The following PAN3 variants were observed in gnomAD, a reference collection of about 807,000 sequenced individuals.
The protein encoded by PAN3 is poly(A) specific ribonuclease subunit PAN3, also known as PAN2-PAN3 deadenylation complex subunit PAN3.
A neutral mutation model predicts 96.2 loss-of-function variants in PAN3; 19 were observed. The ratio of observed to expected loss-of-function variants is 0.20; its 90% CI spans 0.14 to 0.29. The LOEUF is 0.29. Ranked by LOEUF, PAN3 falls within the 10% of genes least tolerant of loss-of-function variation. The pLI is 1.00. For missense variants in PAN3, 882 were observed against 1,108.1 expected, an observed-to-expected ratio of 0.80 and a Z score of 2.90; for synonymous variants, 433 against 406.6, an observed-to-expected ratio of 1.06 and a Z score of -0.78.
intron 6 of PAN3, among the ~76,000 whole-genome samples, chr13:28,238,528 A>G (rs1883305447): frequency 6.6e-6 from 1 of 152,230 alleles, no homozygotes; most frequent in African/African-American, 2.4e-5. Context: ...CACTGAGTTT[A>G]TGGCTGAGAA....
intron 5 of PAN3, among the ~76,000 whole-genome samples, chr13:28,219,707 T>G (rs1244018936): frequency 6.6e-6 from 1 of 152,252 alleles, no homozygotes; most frequent in Non-Finnish European, 1.5e-5. Context: ...TTTTCTTATA[T>G]CTTGATTCCT....
rs1239664899 is a variant in PAN3, at chr13:28,266,783, A to C, written c.1480A>C (p.Ile494Leu). 6.2e-7 allele frequency: 1 copy of C among 1,610,642 alleles called. No individual in the cohort carries two copies. The highest frequency in any genetic ancestry group is 1.3e-5 in the African/African-American group (1 of 74,956). ...AGAACCACTGCCACCTCCCAACCGG[A>C]TACAGAAATCAAGTAATTTTGGATA... ...PLEPLPPPNR[I>L]QKSSNFGYIT... The change falls in exon 10 of 19, where the codon ATA becomes CTA. Residue 494 changes from isoleucine (I) to leucine (L), a missense_variant. By Grantham distance (5) the Ile-to-Leu change is conservative. This residue lies in a region of PAN3 where 364 missense variants were observed against 513.6 expected (regional missense o/e 0.71). Transcript: ENST00000380958.
intron 1 of PAN3, among the ~76,000 whole-genome samples, chr13:28,141,454 CTTT>C (rs1171413517): frequency 3.6e-4 from 45 of 123,910 alleles, no homozygotes; most frequent in African/African-American, 1.3e-3. Context: ...TTTTCTTTTT[CTTT>C]TTTTCTTTTT....
At chr13:28,156,884 A>G (rs949896372) in intron 1 of PAN3, among the ~76,000 whole-genome samples, 1 of 151,036 alleles carries the variant, frequency 6.6e-6, no homozygotes, top group African/African-American at 2.4e-5. Flanking sequence ...AGTTCCAGCT[A>G]CTTGAGAAGC....
Position 28,138,907 on chromosome 13 carries a change from A to C in PAN3, c.250A>C (p.Asn84His). The change falls in exon 1 of 19, where the codon AAC becomes CAC. Residue 84 changes from asparagine to histidine, a missense_variant. Transcript: ENST00000380958. The stretch of plus-strand genomic sequence containing the variant: ...TGCCCCGGGCCTCGGCCTCCATAGC[A>C]ACAGCGTCCCCCTGGCTCTGGCTGG... ...GAAPGLGLHSNSVPLALAGAP... is the reference protein window; with the variant it reads ...GAAPGLGLHSHSVPLALAGAP... The C allele has an allele frequency of 7.2e-7, 1 of 1,384,508 alleles. No homozygotes were observed. The highest frequency in any genetic ancestry group is 9.3e-7 in the Non-Finnish European group (1 of 1,073,280). The allele number at this position is 1,384,508 out of a possible 1,614,324, so 85.8% of individuals were successfully genotyped here.
intron 18 of PAN3, among the ~76,000 whole-genome samples, chr13:28,289,584 GA>G (rs1343632820): frequency 2.0e-5 from 3 of 152,096 alleles, no homozygotes; most frequent in African/African-American, 7.2e-5. Flanking sequence ...TTATGTTTTA[GA>G]AAAGGTTGGG....
chr13:28,287,870 C>T (rs1869187267), intron 17 of PAN3, 114 bp from the exon 18 acceptor site: 1 of 1,009,504 alleles, frequency 9.9e-7, no homozygotes, highest in Non-Finnish European at 1.4e-6. Context: ...CAGACTCCCT[C>T]CCAATTTTTT....
At chr13:28,237,356 T>G (rs1225901983) in intron 6 of PAN3, among the ~76,000 whole-genome samples, 4 of 152,098 alleles carry the variant, frequency 2.6e-5, no homozygotes, top group Non-Finnish European at 5.9e-5. Flanking sequence ...AAAAGATGGG[T>G]TGGAACCTAA....
chr13:28,175,218 C>A (rs567713913), intron 2 of PAN3, among the ~76,000 whole-genome samples: 23 of 152,156 alleles, frequency 1.5e-4, no homozygotes, highest in Non-Finnish European at 3.2e-4. Flanking sequence ...GATATTTAAA[C>A]ACAAGAGAAA....
At chr13:28,217,277 T>C (rs1238659895) in intron 5 of PAN3, among the ~76,000 whole-genome samples, 2 of 151,412 alleles carry the variant, frequency 1.3e-5, no homozygotes, top group Non-Finnish European at 1.5e-5. Flanking sequence ...CTTGGTTGTT[T>C]TGGACATGAA....
intron 1 of PAN3, among the ~76,000 whole-genome samples, chr13:28,170,060 T>TTCA (rs1337437230): frequency 6.6e-6 from 1 of 151,612 alleles, no homozygotes; most frequent in Admixed American, 6.6e-5. Flanking sequence ...ATAATAATAA[T>TTCA]ACAATAATAA....
chr13:28,156,120 A>C (rs779134599), intron 1 of PAN3, among the ~76,000 whole-genome samples: 9 of 152,224 alleles, frequency 5.9e-5, no homozygotes, highest in African/African-American at 9.6e-5. Flanking sequence ...ATCAGTGAAA[A>C]GAGAAGTTGG....
chr13:28,236,599 G>GT (rs1419226814), intron 6 of PAN3, among the ~76,000 whole-genome samples: 1 of 152,212 alleles, frequency 6.6e-6, no homozygotes, highest in Non-Finnish European at 1.5e-5. Context: ...AAAATGGGCA[G>GT]TTGAGAGTCA....
chr13:28,165,004 T>G (rs1873352516), intron 1 of PAN3, among the ~76,000 whole-genome samples: 1 of 152,222 alleles, frequency 6.6e-6, no homozygotes, highest in Admixed American at 6.5e-5. Context: ...GCCTCTCAGG[T>G]TCAAGTGATT....
chr13:28,264,676 G>T (rs1009776412), intron 9 of PAN3, among the ~76,000 whole-genome samples: 1 of 152,130 alleles, frequency 6.6e-6, no homozygotes, highest in Admixed American at 6.5e-5. Flanking sequence ...TACTATCCTT[G>T]GGAATTGCTC....
At position 28,260,518 on chromosome 13, in the gene PAN3, A is replaced by G. The variant is rs1885610417; in HGVS notation, c.1320A>G (p.Ala440=). ...HVAYMQPKAN[A]PSFFMADELR... is the part of the protein sequence containing the mutation. ...CTTATATGCAACCGAAAGCAAACGC[A>G]CCTTCCTTCTTCATGGCTGATGAAC... The change falls in exon 8 of 19, where the codon GCA becomes GCG. Residue 440 remains alanine (A), a synonymous_variant. Coordinates refer to ENST00000380958, the MANE Select transcript of PAN3 (RefSeq NM_175854.8). The G allele has an allele frequency of 6.2e-7, 1 of 1,613,176 alleles. No homozygotes were observed. Among genetic ancestry groups the G allele is most frequent in the Non-Finnish European group, 8.5e-7 (1 of 1,179,294 alleles).
chr13:28,193,799 T>TC (rs960736046), intron 4 of PAN3, among the ~76,000 whole-genome samples: 4 of 151,540 alleles, frequency 2.6e-5, no homozygotes, highest in African/African-American at 9.7e-5. Context: ...ACCTTTTTTT[T>TC]CAATGTTGTT....
intron 4 of PAN3, among the ~76,000 whole-genome samples, chr13:28,183,017 G>A (rs546496785): frequency 6.6e-6 from 1 of 152,088 alleles, no homozygotes; most frequent in Non-Finnish European, 1.5e-5. Flanking sequence ...GCATATTTAC[G>A]GTAGAGTTCT....
intron 1 of PAN3, among the ~76,000 whole-genome samples, chr13:28,149,777 G>GTC (rs1871130725): frequency 6.6e-6 from 1 of 152,048 alleles, no homozygotes; most frequent in South Asian, 2.1e-4. Flanking sequence ...AACCACACCT[G>GTC]ACTAATTTTT....
Sources: allele counts gnomAD v4.1 joint callset (sites outside exome capture counted in the v4.1 genomes callset), GRCh38; gene constraint gnomAD v4.1.1; regional missense constraint gnomAD v4.1.1; transcripts MANE v1.5; gene names NCBI Gene and HGNC (gene_info 2026-07-23, HGNC 2026-07-21).